Variants in POLN observed in about 807,000 individuals in gnomAD.
The protein encoded by POLN is DNA polymerase nu.
POLN carries 108 observed loss-of-function variants against 113.5 expected under a neutral mutation model. That is an observed-to-expected ratio of 0.95 (90% CI 0.81 to 1.12). POLN has a LOEUF of 1.12. Ranked by LOEUF, POLN falls within the 50% of genes most tolerant of loss-of-function variation. The probability of loss-of-function intolerance (pLI) is 0.00; values close to 1 mark genes in which losing one functional copy is unlikely to be tolerated. For synonymous variants in POLN, 386 were observed against 391.5 expected, an observed-to-expected ratio of 0.99 and a Z score of 0.17; for missense variants, 1,097 against 1,077.1, an observed-to-expected ratio of 1.02 and a Z score of -0.26.
Position 2,173,991 on chromosome 4 carries a change from G to A in POLN, c.1338C>T (p.Asn446=). 6.2e-7 allele frequency: 1 copy of A among 1,614,170 alleles called. No homozygotes were observed. Among genetic ancestry groups the A allele is most frequent in the South Asian group, 1.1e-5 (1 of 91,086 alleles). Residue 446 remains asparagine (N), a synonymous_variant, in exon 11 of 26, where the codon AAC becomes AAT. Transcript: ENST00000511885. ...AVMESHAIQV[N]KEEMEKTSAL... ...CTGACGTCTTCTCCATCTCCTCTTT[G>A]TTCACCTGAATGGCATGGCTTTCCA...
chr4:2,206,270 T>C (rs1333248456), intron 5 of POLN, among the ~76,000 whole-genome samples: 1 of 152,216 alleles, frequency 6.6e-6, no homozygotes, highest in Non-Finnish European at 1.5e-5. Context: ...AGGACTTAAA[T>C]TTAATACCTG....
Position 2,186,351 on chromosome 4 carries a change from G to C in POLN, c.1021+6853C>G, listed in dbSNP as rs528747499. On this transcript the variant is annotated intron_variant, in intron 7 of 25. Transcript: ENST00000511885. ...AGCAGACACTCGGCTCTGTACCATA[G>C]ACAGAGGAGACACCAAATCAGAAAG... 1.4e-4 allele frequency among the ~76,000 whole-genome samples: 22 copies of C among 152,274 alleles called. No individual in the cohort carries two copies. The East Asian group carries it at 4.3e-3, about 29-fold the overall frequency.
At chr4:2,081,415 GAATCATCC>G in intron 22 of POLN, 2 of 625,324 alleles carry the variant, frequency 3.2e-6, no homozygotes, top group Non-Finnish European at 5.6e-6. Context: ...GTTCTTGCGG[GAATCATCC>G]AATCATCCTA....
intron 20 of POLN, chr4:2,089,990 T>A: frequency 1.1e-6 from 1 of 924,186 alleles, no homozygotes; most frequent in Non-Finnish European, 1.7e-6. Flanking sequence ...TTTTCACTTT[T>A]AAGTCTGTCA....
intron 6 of POLN, among the ~76,000 whole-genome samples, chr4:2,196,163 G>A (rs1733567853): frequency 6.6e-6 from 1 of 152,096 alleles, no homozygotes. Flanking sequence ...GTATAAGTAT[G>A]TCCCATGCAA....
chr4:2,118,011 G>A (rs1731357268), intron 19 of POLN, among the ~76,000 whole-genome samples: 1 of 152,298 alleles, frequency 6.6e-6, no homozygotes, highest in South Asian at 2.1e-4. Context: ...TCTTACAAAT[G>A]TGAACAGCTT....
intron 23 of POLN, among the ~76,000 whole-genome samples, chr4:2,077,406 C>A (rs956903375): frequency 6.6e-6 from 1 of 152,238 alleles, no homozygotes; most frequent in Admixed American, 6.5e-5. Context: ...TGGGCCCAGA[C>A]AGCGGTACAC....
At chr4:2,106,259 T>C (rs778386006) in intron 19 of POLN, among the ~76,000 whole-genome samples, 6 of 152,176 alleles carry the variant, frequency 3.9e-5, no homozygotes, top group Non-Finnish European at 7.3e-5. Flanking sequence ...AAATGGGGAA[T>C]TTTCACGTGA....
At position 2,229,225 on chromosome 4, in the gene POLN, T is replaced by C; in HGVS notation, c.7A>G (p.Asn3Asp). The C allele has an allele frequency of 6.3e-7, 1 of 1,597,048 alleles. No homozygotes were observed. Among genetic ancestry groups the C allele is most frequent in the Non-Finnish European group, 8.5e-7 (1 of 1,172,842 alleles). Reference protein sequence around the residue: MENYEALVGFDLC... With the variant: MEDYEALVGFDLC... ...TCAAAGCCTACCAATGCCTCATAAT[T>C]TTCCATTTTCACAAAATCCTAAATG... Residue 3 changes from asparagine (N) to aspartate (D), a missense_variant, in exon 3 of 26, where the codon AAT (asparagine) becomes GAT (aspartate). Coordinates refer to ENST00000511885, the MANE Select transcript of POLN (RefSeq NM_181808.4).
At chr4:2,107,081 T>C (rs1731083511) in intron 19 of POLN, among the ~76,000 whole-genome samples, 1 of 152,092 alleles carries the variant, frequency 6.6e-6, no homozygotes, top group African/African-American at 2.4e-5. Context: ...CATTGTCCAT[T>C]ATATTATTAT....
chr4:2,080,725 AGC>A, intron 23 of POLN: 1 of 1,414,800 alleles, frequency 7.1e-7, no homozygotes, highest in Non-Finnish European at 9.2e-7. Context: ...TGGGGGAGAC[AGC>A]ATTTCTGTCT....
At chr4:2,171,505 G>A (rs1732861713) in intron 11 of POLN, among the ~76,000 whole-genome samples, 1 of 152,078 alleles carries the variant, frequency 6.6e-6, no homozygotes, top group Non-Finnish European at 1.5e-5. Context: ...AGGTTGCAGT[G>A]AGTTATAACT....
At chr4:2,232,261 T>A in intron 2 of POLN, 1 of 544,276 alleles carries the variant, frequency 1.8e-6, no homozygotes, top group Non-Finnish European at 3.1e-6. Context: ...AAGGACTTAA[T>A]AACTTCCCGC....
intron 19 of POLN, among the ~76,000 whole-genome samples, chr4:2,096,137 G>A (rs892091420): frequency 6.6e-6 from 1 of 152,228 alleles, no homozygotes; most frequent in African/African-American, 2.4e-5. Flanking sequence ...CGGCGAGGCT[G>A]CAGCAGCTGC....
intron 8 of POLN, among the ~76,000 whole-genome samples, chr4:2,178,508 C>G (rs1733049902): frequency 6.6e-6 from 1 of 152,156 alleles, no homozygotes; most frequent in South Asian, 2.1e-4. Flanking sequence ...TCTCTGGGTT[C>G]TAGGCACAGT....
intron 7 of POLN, among the ~76,000 whole-genome samples, chr4:2,184,884 T>C (rs962966705): frequency 6.6e-6 from 1 of 152,204 alleles, no homozygotes; most frequent in Non-Finnish European, 1.5e-5. Context: ...ATAATGATAC[T>C]AAAATGAAAA....
At chr4:2,230,950 T>C (rs935620588) in intron 2 of POLN, 1 of 152,218 alleles carries the variant, frequency 6.6e-6, no homozygotes, top group African/African-American at 2.4e-5. Flanking sequence ...AATAGTATCA[T>C]ACATCTTTTG....
intron 7 of POLN, among the ~76,000 whole-genome samples, chr4:2,191,422 A>T (rs578008535): frequency 1.3e-5 from 2 of 152,340 alleles, no homozygotes; most frequent in East Asian, 3.9e-4. Flanking sequence ...GGTGTTCAGT[A>T]AATCAGTAGA....
At chr4:2,163,186 G>A (rs1275286247) in intron 13 of POLN, among the ~76,000 whole-genome samples, 1 of 152,178 alleles carries the variant, frequency 6.6e-6, no homozygotes, top group African/African-American at 2.4e-5. Context: ...GAACACAAGA[G>A]TTGTGGCCAT....
Sources: gnomAD v4.1 joint callset for allele counts (sites outside exome capture counted in the v4.1 genomes callset) on GRCh38, gnomAD v4.1.1 for gene constraint, MANE v1.5 for transcripts, NCBI Gene and HGNC (gene_info 2026-07-23, HGNC 2026-07-21) for gene names.